SRCIN1: variants seen among roughly 807,000 people sequenced by gnomAD.
SRCIN1 encodes the protein P130Cas-associated protein.
Under a neutral mutation model 116.2 loss-of-function variants are expected in SRCIN1, and 50 were observed. The observed-to-expected ratio is 0.43, with a 90% CI of 0.34 to 0.54. SRCIN1 has a LOEUF of 0.54. SRCIN1 is among the 20% of genes least tolerant of loss of function. The probability of loss-of-function intolerance (pLI) is 0.02; values close to 1 mark genes in which losing one functional copy is unlikely to be tolerated. For synonymous variants in SRCIN1, 736 were observed against 750.0 expected, an observed-to-expected ratio of 0.98 and a Z score of 0.30; for missense variants, 1,446 against 1,672.0, an observed-to-expected ratio of 0.86 and a Z score of 2.36.
At chr17:38,595,526 C>G (rs914814812) in intron 1 of SRCIN1, among the ~76,000 whole-genome samples, 1 of 152,156 alleles carries the variant, frequency 6.6e-6, no homozygotes, top group African/African-American at 2.4e-5. Flanking sequence ...TTCAATAAGT[C>G]TTTATTGAAT....
intron 3 of SRCIN1, among the ~76,000 whole-genome samples, chr17:38,567,558 A>G (rs375742246): frequency 1.3e-5 from 2 of 152,252 alleles, no homozygotes; most frequent in South Asian, 2.1e-4. Flanking sequence ...TTGGGAGGCC[A>G]GAGACTCCAG....
At chr17:38,597,594 T>C (rs1387491313) in intron 1 of SRCIN1, among the ~76,000 whole-genome samples, 1 of 152,180 alleles carries the variant, frequency 6.6e-6, no homozygotes, top group Non-Finnish European at 1.5e-5. Context: ...AAACTGAGCT[T>C]CAGAAAGGTG....
intron 18 of SRCIN1, among the ~76,000 whole-genome samples, chr17:38,535,370 G>A (rs188655170): frequency 1.6e-4 from 25 of 152,064 alleles, no homozygotes; most frequent in Middle Eastern, 3.4e-3. Flanking sequence ...CACCACGCCC[G>A]GCTAATTTTG....
Position 38,563,248 on chromosome 17 carries a change from G to C in SRCIN1, c.740+75C>G. The stretch of plus-strand genomic sequence containing the variant: ...TCGGGTCAGGAAGGAGCTGGGGAAG[G>C]GCCGGCGGGGTCCAGCACCCTGCAG... On this transcript the variant is annotated intron_variant, in intron 5 of 18. Coordinates refer to ENST00000617146, the MANE Select transcript of SRCIN1 (RefSeq NM_025248.3). This position sits in a 1 kb window ranked among gnomAD's most constrained non-coding sequence, Gnocchi z 5.8. 1 of 1,509,424 alleles carries C rather than the reference G, an allele frequency of 6.6e-7. No homozygotes were observed. 93.5% of individuals were successfully genotyped at this position (1,509,424 alleles called of 1,614,324 possible).
chr17:38,544,102 T>A lies in SRCIN1; in HGVS notation c.3271-133A>T. 1.8e-6 allele frequency: 2 copies of A among 1,111,736 alleles called. No individual in the cohort carries two copies. Among genetic ancestry groups the A allele is most frequent in the Non-Finnish European group, 2.5e-6 (2 of 804,572 alleles). 68.9% of individuals were successfully genotyped at this position (1,111,736 alleles called of 1,614,324 possible). On this transcript the variant is annotated intron_variant, in intron 17 of 18. Transcript: ENST00000617146. The surrounding 1 kb of genome is among the most constrained non-coding windows in gnomAD (Gnocchi z 4.5). ...CCTTTGAGACCTGGAGACCCCTCTC[T>A]AGCTCCACACCCGAGTCCAGAACCC...
At chr17:38,541,576 AC>A (rs1904746945) in intron 18 of SRCIN1, 1 of 152,802 alleles carries the variant, frequency 6.5e-6, no homozygotes, top group Admixed American at 6.5e-5. Context: ...TAAGCAGTGC[AC>A]CTGGTGCCTG....
rs546443252 is a variant in SRCIN1 at position 38,565,150 on chromosome 17, G to A, written c.346-837C>T. On this transcript the variant is annotated intron_variant, in intron 3 of 18. Coordinates refer to ENST00000617146, the MANE Select transcript of SRCIN1 (RefSeq NM_025248.3). ...ACAGGACAGCTTGATGGCTCTCTCC[G>A]TGGGGGAGGGGGAGTCAGGATGATT... Among the ~76,000 whole-genome samples the A allele has an allele frequency of 7.4e-4, 113 of 152,292 alleles. 2 individuals carry two copies. The South Asian group carries it at 0.022, about 30-fold the overall frequency.
At chr17:38,591,210 G>C (rs556036710) in intron 1 of SRCIN1, among the ~76,000 whole-genome samples, 2 of 152,242 alleles carry the variant, frequency 1.3e-5, no homozygotes, top group African/African-American at 4.8e-5. Flanking sequence ...TTCCAGGAAA[G>C]GAGAACTCAT....
At chr17:38,548,183 A>G (rs920447690) in intron 17 of SRCIN1, among the ~76,000 whole-genome samples, 3 of 152,102 alleles carry the variant, frequency 2.0e-5, no homozygotes, top group Non-Finnish European at 2.9e-5. Flanking sequence ...CTCCGTCCTC[A>G]GAATACTCAA....
Position 38,562,002 on chromosome 17 carries a change from C to T in SRCIN1, c.1161G>A (p.Met387Ile). 1 of 1,494,398 alleles carries T rather than the reference C, an allele frequency of 6.7e-7. No individual in the cohort carries two copies. The highest frequency in any genetic ancestry group is 2.8e-5 in the East Asian group (1 of 35,366). 92.6% of individuals were successfully genotyped at this position (1,494,398 alleles called of 1,614,324 possible). The change falls in exon 7 of 19, where the codon ATG becomes ATA. Residue 387 changes from methionine to isoleucine, a missense_variant. Coordinates refer to ENST00000617146, the MANE Select transcript of SRCIN1 (RefSeq NM_025248.3). This position sits in a 1 kb window ranked among gnomAD's most constrained non-coding sequence, Gnocchi z 4.2. ...DEDLASKAGG[M>I]VLVKGEGLYA... The stretch of plus-strand genomic sequence containing the variant: ...AGAGGCCCTCGCCTTTCACCAGCAC[C>T]ATGCCGCCCGCCTTGCTCGCCAGGT...
At chr17:38,551,800 A>T (rs1905433594) in intron 14 of SRCIN1, 86 bp downstream of exon 14, 3 of 1,600,722 alleles carry the variant, frequency 1.9e-6, no homozygotes, top group Non-Finnish European at 2.5e-6. Flanking sequence ...GACCCACAGG[A>T]TTGGCACTCC....
chr17:38,562,478 TC>T lies in SRCIN1; in HGVS notation c.835-151del. 2.0e-6 allele frequency: 2 copies of T among 1,023,266 alleles called. No homozygotes were observed. Among genetic ancestry groups the T allele is most frequent in the African/African-American group, 3.4e-5 (2 of 58,840 alleles). 63.4% of individuals were successfully genotyped at this position (1,023,266 alleles called of 1,614,324 possible). On this transcript the variant is annotated intron_variant, in intron 6 of 18. Transcript: ENST00000617146. The surrounding 1 kb of genome is among the most constrained non-coding windows in gnomAD (Gnocchi z 4.2). Reference sequence around the variant, plus strand: ...CATCCTGCTGCGTCTAGGGTCCCTTTCCCATCAGGGTTCCTAGCATGGAGGA... The same window carrying T: ...CATCCTGCTGCGTCTAGGGTCCCTTTCCATCAGGGTTCCTAGCATGGAGGA...
rs1909274936 is a variant in SRCIN1 at position 38,604,903 on chromosome 17, C to A, written c.22+781G>T. 6.6e-6 allele frequency among the ~76,000 whole-genome samples: 1 copy of A among 151,812 alleles called. No individual in the cohort carries two copies. The highest frequency in any genetic ancestry group is 6.5e-5 in the Admixed American group (1 of 15,272). ...CCCCAGCTGGGGGCGCCCTCCCCTG[C>A]CCCCTGGCCTCTGCAGGGGGAGGGG... On this transcript the variant is annotated intron_variant, in intron 1 of 18. Coordinates refer to ENST00000617146, the MANE Select transcript of SRCIN1 (RefSeq NM_025248.3). This position sits in a 1 kb window ranked among gnomAD's most constrained non-coding sequence, Gnocchi z 4.3.
intron 2 of SRCIN1, among the ~76,000 whole-genome samples, chr17:38,570,452 C>T (rs918307151): frequency 3.3e-5 from 5 of 152,226 alleles, no homozygotes; most frequent in African/African-American, 1.2e-4. Context: ...CACACACACA[C>T]GGCCTCAGAG....
intron 17 of SRCIN1, 43 bp downstream of exon 17, chr17:38,548,514 G>A (rs937583424): frequency 3.7e-6 from 6 of 1,601,884 alleles, no homozygotes; most frequent in Non-Finnish European, 5.1e-6. Flanking sequence ...GGAGGGAAGG[G>A]GGCCTGGCTG....
rs1266556073 is a variant in SRCIN1 at position 38,530,425 on chromosome 17, G to C, written c.*2872C>G. 1.3e-5 allele frequency: 2 copies of C among 153,430 alleles called. No individual in the cohort carries two copies. Among genetic ancestry groups the C allele is most frequent in the Non-Finnish European group, 2.9e-5 (2 of 69,076 alleles). The allele number at this position is 153,430 out of a possible 1,614,324, so 9.5% of individuals were successfully genotyped here. A position where few individuals can be genotyped will look rare whatever the true frequency, so the allele number is the denominator to read the frequency against. ...CGGGGGCTGAGAGGACCAGGTACAG[G>C]GGTCCCCCGAGACGTCTTAGTTTTC... is the stretch of plus-strand genomic sequence containing the variant. On this transcript the variant is annotated 3_prime_UTR_variant, in exon 19 of 19. Transcript: ENST00000617146.
rs1217696456 is a variant in SRCIN1 at position 38,561,537 on chromosome 17, C to G, written c.1626G>C (p.Glu542Asp). The change falls in exon 7 of 19, where the codon GAG (glutamate) becomes GAC (aspartate). Residue 542 changes from glutamate (E) to aspartate (D), a missense_variant. By Grantham distance (45) the Glu-to-Asp change is conservative. This residue lies in a region of SRCIN1 where 398 missense variants were observed against 385.6 expected (regional missense o/e 1.03). Coordinates refer to ENST00000617146, the MANE Select transcript of SRCIN1 (RefSeq NM_025248.3). ...AGCGTTCCCCAGGCCCAGGGAAGAG[C>G]TCCGAAGGGGGAGCTCCGGCCGTCG... ...SASTAGAPPS[E>D]LFPGPGERSL... 1.9e-6 allele frequency: 3 copies of G among 1,600,600 alleles called. No individual in the cohort carries two copies. The highest frequency in any genetic ancestry group is 8.5e-7 in the Non-Finnish European group (1 of 1,177,184).
chr17:38,570,448 C>T (rs528451402), intron 2 of SRCIN1, among the ~76,000 whole-genome samples: 1 of 152,358 alleles, frequency 6.6e-6, no homozygotes, highest in East Asian at 1.9e-4. Flanking sequence ...AACACACACA[C>T]ACACGGCCTC....
chr17:38,548,470 C>T, intron 17 of SRCIN1, 87 bp downstream of exon 17: 4 of 1,536,098 alleles, frequency 2.6e-6, no homozygotes, highest in Non-Finnish European at 3.5e-6. Context: ...CCATCTTCTG[C>T]CTCATCCTGT....
Sources: allele counts gnomAD v4.1 joint callset (sites outside exome capture counted in the v4.1 genomes callset), GRCh38; gene constraint gnomAD v4.1.1; regional missense constraint gnomAD v4.1.1; non-coding constraint Gnocchi (gnomAD v3.1); transcripts MANE v1.5; gene names NCBI Gene and HGNC (gene_info 2026-07-23, HGNC 2026-07-21).